DSCAM: variants seen among roughly 807,000 people sequenced by gnomAD.
DSCAM encodes the protein cell adhesion molecule DSCAM.
Under a neutral mutation model 217.7 loss-of-function variants are expected in DSCAM, and 47 were observed. The ratio of observed to expected loss-of-function variants is 0.22; its 90% CI spans 0.17 to 0.28. DSCAM has a LOEUF of 0.28. Ranked by LOEUF, DSCAM falls within the 10% of genes least tolerant of loss-of-function variation. The probability of loss-of-function intolerance (pLI) is 1.00; values close to 1 mark genes in which losing one functional copy is unlikely to be tolerated. For synonymous variants in DSCAM, 1,056 were observed against 1,015.3 expected (o/e 1.04, Z -0.76); for missense variants, 2,080 against 2,618.3 (o/e 0.79, Z 4.49).
At chr21:40,833,951 A>G (rs1483991803) in intron 1 of DSCAM, among the ~76,000 whole-genome samples, 1 of 151,950 alleles carries the variant, frequency 6.6e-6, no homozygotes, top group East Asian at 1.9e-4. Flanking sequence ...GCCAGTAGCA[A>G]CCCCCAACCA....
chr21:40,277,686 T>G (rs1268233961), intron 10 of DSCAM, among the ~76,000 whole-genome samples: 2 of 144,544 alleles, frequency 1.4e-5, no homozygotes, highest in Non-Finnish European at 1.5e-5. Flanking sequence ...CAGGCTGGAG[T>G]GCAGTGGCAC....
chr21:40,264,056 T>A (rs1435857461), intron 11 of DSCAM, among the ~76,000 whole-genome samples: 1 of 147,952 alleles, frequency 6.8e-6, no homozygotes, highest in African/African-American at 2.5e-5. Flanking sequence ...GAATCAGCAA[T>A]AAAAAAAAAA....
intron 1 of DSCAM, among the ~76,000 whole-genome samples, chr21:40,844,044 G>T (rs1007824747): frequency 9.9e-5 from 15 of 151,992 alleles, no homozygotes; most frequent in Admixed American, 1.3e-4. Flanking sequence ...TTAGGTATTA[G>T]AATTCATCAA....
At chr21:40,781,908 G>A (rs1246026806) in intron 1 of DSCAM, among the ~76,000 whole-genome samples, 7 of 150,734 alleles carry the variant, frequency 4.6e-5, no homozygotes, top group African/African-American at 1.5e-4. Context: ...CAGCACTTTG[G>A]GAGGCCGAGG....
Position 40,144,684 on chromosome 21 carries a change from T to G in DSCAM, c.3066A>C (p.Ile1022=). The G allele has an allele frequency of 6.2e-7, 1 of 1,614,184 alleles. No individual in the cohort carries two copies. Among genetic ancestry groups the G allele is most frequent in the African/African-American group, 1.3e-5 (1 of 75,036 alleles). The change falls in exon 17 of 33, where the codon ATA becomes ATC. Residue 1022 remains isoleucine, a synonymous_variant. Transcript: ENST00000400454. The surrounding 1 kb of genome is among the most constrained non-coding windows in gnomAD (Gnocchi z 4.8). ...LQNGIIRGYQ[I]GYREYSTGGN... ...CCCCAGTGCTGTACTCTCGGTAACCTATTTGGTAGCCACGGATAATCCCAT... is the reference window on the plus strand; with the variant it reads ...CCCCAGTGCTGTACTCTCGGTAACCGATTTGGTAGCCACGGATAATCCCAT...
intron 3 of DSCAM, among the ~76,000 whole-genome samples, chr21:40,467,282 A>G (rs8127921): frequency 0.69 from 105,399 of 152,088 alleles, 37,328 homozygotes; most frequent in African/African-American, 0.85. Flanking sequence ...AACACTGTGC[A>G]TATACACAAT....
intron 10 of DSCAM, among the ~76,000 whole-genome samples, chr21:40,289,336 G>T (rs1290748108): frequency 6.6e-6 from 1 of 152,184 alleles, no homozygotes; most frequent in Admixed American, 6.5e-5. Flanking sequence ...AAAACAGTGT[G>T]CATAGGTGGG....
At chr21:40,490,667 C>G (rs2076069567) in intron 3 of DSCAM, among the ~76,000 whole-genome samples, 1 of 152,182 alleles carries the variant, frequency 6.6e-6, no homozygotes, top group Non-Finnish European at 1.5e-5. Context: ...CAGGCAGGAG[C>G]TTCTGGCACT....
At chr21:40,807,508 C>G (rs1031188715) in intron 1 of DSCAM, among the ~76,000 whole-genome samples, 23 of 152,178 alleles carry the variant, frequency 1.5e-4, no homozygotes, top group African/African-American at 5.3e-4. Flanking sequence ...CCTGTCCACT[C>G]CTCTTGGAAA....
At chr21:40,638,673 G>C (rs956900692) in intron 3 of DSCAM, among the ~76,000 whole-genome samples, 1 of 152,182 alleles carries the variant, frequency 6.6e-6, no homozygotes, top group Non-Finnish European at 1.5e-5. Flanking sequence ...TTCACCAGTT[G>C]TGTGTAAGCT....
At chr21:40,749,934 C>T (rs549373461) in intron 1 of DSCAM, among the ~76,000 whole-genome samples, 2 of 151,808 alleles carry the variant, frequency 1.3e-5, no homozygotes, top group South Asian at 4.2e-4. Flanking sequence ...CCACTTTCTT[C>T]TTCTTTTTTT....
rs760543533 is a variant in DSCAM at position 40,411,170 on chromosome 21, T to TTA, written c.509-41927_509-41926dup. ...AATATTACTTGAAGATAGACAGTAA[T>TTA]TATATACACACACACACACACACAC... On this transcript the variant is annotated intron_variant, in intron 3 of 32. Coordinates refer to ENST00000400454, the MANE Select transcript of DSCAM (RefSeq NM_001389.5). Among the ~76,000 whole-genome samples, 29 of 56,530 alleles carry TTA rather than the reference T, an allele frequency of 5.1e-4. No individual in the cohort carries two copies. In the East Asian group the frequency reaches 7.8e-3, roughly 15 times the overall value. The allele number at this position is 56,530 out of a possible 152,430, so 37.1% of individuals were successfully genotyped here.
At chr21:40,599,281 T>A (rs1568930137) in intron 3 of DSCAM, among the ~76,000 whole-genome samples, 1 of 152,200 alleles carries the variant, frequency 6.6e-6, no homozygotes, top group South Asian at 2.1e-4. Flanking sequence ...GGTGTACATG[T>A]ACCATGGTGG....
At chr21:40,634,248 C>G (rs1193812320) in intron 3 of DSCAM, among the ~76,000 whole-genome samples, 2 of 152,188 alleles carry the variant, frequency 1.3e-5, no homozygotes, top group Admixed American at 1.3e-4. Flanking sequence ...GAATGAGATT[C>G]AGACCAGCTC....
intron 31 of DSCAM, among the ~76,000 whole-genome samples, chr21:40,042,999 C>T (rs2146478937): frequency 6.6e-6 from 1 of 152,334 alleles, no homozygotes; most frequent in East Asian, 1.9e-4. Context: ...GCAGCAGCCC[C>T]CTCTCTGCTC....
intron 32 of DSCAM, among the ~76,000 whole-genome samples, chr21:40,022,030 T>C (rs1471805135): frequency 1.3e-5 from 2 of 152,212 alleles, no homozygotes; most frequent in Middle Eastern, 3.2e-3. Flanking sequence ...GGAAGAAGGA[T>C]GGCAAAATCA....
rs1569088971 is a variant in DSCAM, at chr21:40,369,190, A to G, written c.564T>C (p.Asn188=). ...AGCGGTAGTTATACAATCCATCTTCATTCTGTACATCTTTAATATACAAGG... is the reference window on the plus strand; with the variant it reads ...AGCGGTAGTTATACAATCCATCTTCGTTCTGTACATCTTTAATATACAAGG... ...TGALYIKDVQ[N]EDGLYNYRCI... Residue 188 remains asparagine (N), a synonymous_variant, in exon 4 of 33, where the codon AAT becomes AAC. Transcript: ENST00000400454. The G allele has an allele frequency of 6.2e-7, 1 of 1,613,064 alleles. No homozygotes were observed. The highest frequency in any genetic ancestry group is 8.5e-7 in the Non-Finnish European group (1 of 1,179,528).
At chr21:40,200,016 CTTTT>C (rs369465225) in intron 11 of DSCAM, among the ~76,000 whole-genome samples, 2 of 135,198 alleles carry the variant, frequency 1.5e-5, no homozygotes, top group Non-Finnish European at 1.6e-5. Context: ...CCTCAGGATT[CTTTT>C]TTTTTTTTTT....
At chr21:40,085,407 T>C (rs560008857) in intron 23 of DSCAM, among the ~76,000 whole-genome samples, 195 bp downstream of exon 23, 1 of 152,298 alleles carries the variant, frequency 6.6e-6, no homozygotes, top group African/African-American at 2.4e-5. Context: ...ATTTCTGAGG[T>C]TGTGAATGCT....
Sources: gnomAD v4.1 joint callset for allele counts (sites outside exome capture counted in the v4.1 genomes callset) on GRCh38, gnomAD v4.1.1 for gene constraint, Gnocchi (gnomAD v3.1) non-coding constraint, MANE v1.5 for transcripts, NCBI Gene and HGNC (gene_info 2026-07-23, HGNC 2026-07-21) for gene names.